Variants in SULT1C2 observed in about 807,000 individuals in gnomAD.
SULT1C2 encodes sulfotransferase family 1C member 2, also known as sulfotransferase 1C2.
In SULT1C2, 27 loss-of-function variants were observed where a neutral mutation model predicts 36.0. The observed-to-expected ratio is 0.75, with a 90% CI of 0.55 to 1.03. The LOEUF (loss-of-function observed/expected upper bound fraction) is 1.03. Ranked by LOEUF, SULT1C2 falls within the 50% of genes least tolerant of loss-of-function variation. The probability of loss-of-function intolerance (pLI) is 0.00; values close to 1 mark genes in which losing one functional copy is unlikely to be tolerated. For missense variants in SULT1C2, 395 were observed against 359.2 expected, an observed-to-expected ratio of 1.10 and a Z score of -0.80; for synonymous variants, 121 against 116.0, an observed-to-expected ratio of 1.04 and a Z score of -0.27.
At chr2:108,300,808 G>A (rs372624486) in intron 3 of SULT1C2, 30 bp from the exon 4 acceptor site, 300 of 1,613,960 alleles carry the variant, frequency 1.9e-4, no homozygotes, top group Middle Eastern at 4.9e-4. Flanking sequence ...CTTGTACTAC[G>A]CAGATGTTTC....
Position 108,304,623 on chromosome 2 carries a change from AT to A in SULT1C2, c.428del (p.Phe143SerfsTer4), listed in dbSNP as rs749847703. On this transcript the variant is annotated frameshift_variant, in exon 5 of 8. Transcript: ENST00000251481. LOFTEE classifies it high-confidence loss of function. ...AAAGACTGTATGGTTTCCTACTACC[AT>A]TTCCAAAGGATGAACCACATGCTTC... ...NAKDCMVSYY[H>X]FQRMNHMLPD... The A allele has an allele frequency of 4.3e-6, 7 of 1,613,644 alleles. No individual in the cohort carries two copies. The highest frequency in any genetic ancestry group is 1.3e-5 in the African/African-American group (1 of 74,906).
intron 1 of SULT1C2, among the ~76,000 whole-genome samples, chr2:108,291,139 C>G (rs1380603694): frequency 6.6e-6 from 1 of 152,142 alleles, no homozygotes; most frequent in African/African-American, 2.4e-5. Context: ...GGATGGAGGT[C>G]CCATTTGCTT....
intron 7 of SULT1C2, among the ~76,000 whole-genome samples, chr2:108,306,156 C>T (rs1677020138): frequency 6.6e-6 from 1 of 152,222 alleles, no homozygotes; most frequent in African/African-American, 2.4e-5. Flanking sequence ...TGCTCTACTT[C>T]ATGAGTTTCA....
chr2:108,305,418 C>G lies in SULT1C2; in HGVS notation c.601C>G (p.Pro201Ala). The stretch of plus-strand genomic sequence containing the variant: ...TCCAATGTTACCCTTGCCGCAGGAC[C>G]CAAAGCATGAAATTCGGAAGGTGAT... ...FLFYEDIKRDPKHEIRKVMQF... is the reference protein window; with the variant it reads ...FLFYEDIKRDAKHEIRKVMQF... The change falls in exon 7 of 8, where the codon CCA becomes GCA. Residue 201 changes from proline to alanine, a missense_variant. Transcript: ENST00000251481. 1 of 1,613,838 alleles carries G rather than the reference C, an allele frequency of 6.2e-7. No individual in the cohort carries two copies.
At chr2:108,299,672 C>T (rs2104418688) in intron 3 of SULT1C2, 1 of 152,304 alleles carries the variant, frequency 6.6e-6, no homozygotes, top group Non-Finnish European at 1.5e-5. Flanking sequence ...TACCAAAACA[C>T]TTTTTTATTT....
At chr2:108,296,167 T>G (rs1676720816) in intron 3 of SULT1C2, among the ~76,000 whole-genome samples, 1 of 152,106 alleles carries the variant, frequency 6.6e-6, no homozygotes, top group African/African-American at 2.4e-5. Flanking sequence ...ATTTGAGAGA[T>G]TAAAGAAAGA....
intron 7 of SULT1C2, 163 bp downstream of exon 7, chr2:108,305,758 G>T: frequency 1.1e-6 from 1 of 880,526 alleles, no homozygotes; most frequent in Non-Finnish European, 1.7e-6. Context: ...GTAGAAGAGA[G>T]CTTTCTAGGG....
rs1677002764 is a variant in SULT1C2, at chr2:108,305,546, A to G, written c.729A>G (p.Thr243=). The part of the protein sequence containing the change: ...MKENPMTNRS[T]VSKSILDQSI... ...AAAATCCCATGACAAATCGTTCTACAGTTTCCAAATCTATCTTGGACCAGT... is the reference window on the plus strand; with the variant it reads ...AAAATCCCATGACAAATCGTTCTACGGTTTCCAAATCTATCTTGGACCAGT... The change falls in exon 7 of 8, where the codon ACA becomes ACG. Residue 243 remains threonine, a synonymous_variant. Coordinates refer to ENST00000251481, the MANE Select transcript of SULT1C2 (RefSeq NM_001056.4). The G allele has an allele frequency of 1.2e-6, 2 of 1,614,218 alleles. No homozygotes were observed. Among genetic ancestry groups the G allele is most frequent in the East Asian group, 2.2e-5 (1 of 44,888 alleles).
intron 7 of SULT1C2, among the ~76,000 whole-genome samples, chr2:108,307,648 A>G (rs1377850972): frequency 1.3e-5 from 2 of 152,188 alleles, no homozygotes; most frequent in Middle Eastern, 3.2e-3. Context: ...TCCCCTGTTT[A>G]AAATTAGTTT....
At chr2:108,305,768 G>T (rs1677009368) in intron 7 of SULT1C2, 173 bp downstream of exon 7, 1 of 820,476 alleles carries the variant, frequency 1.2e-6, no homozygotes, top group African/African-American at 1.7e-5. Flanking sequence ...GCTTTCTAGG[G>T]TATTGTTCCA....
chr2:108,293,521 C>G (rs55965326), intron 1 of SULT1C2, 126 bp from the exon 2 acceptor site: 30,903 of 852,386 alleles, frequency 0.036, 655 homozygotes, highest in South Asian at 0.059. Context: ...ATAATGGTTG[C>G]ACAACAATGT....
At chr2:108,304,248 C>A (rs933066679) in intron 4 of SULT1C2, 1 of 193,844 alleles carries the variant, frequency 5.2e-6, no homozygotes, top group African/African-American at 2.3e-5. Flanking sequence ...TACGTTGATA[C>A]TGTGGAAGTC....
intron 4 of SULT1C2, chr2:108,301,757 G>A (rs1390901927): frequency 1.3e-5 from 2 of 152,248 alleles, no homozygotes; most frequent in Non-Finnish European, 2.9e-5. Context: ...CATTAGACAC[G>A]TCCTTGCTGA....
At chr2:108,298,750 G>C (rs1468294977) in intron 3 of SULT1C2, 2 of 245,458 alleles carry the variant, frequency 8.1e-6, no homozygotes, top group Non-Finnish European at 1.7e-5. Context: ...GGTCACTAGG[G>C]GTTTAGTTCT....
chr2:108,292,598 A>C (rs1210908147), intron 1 of SULT1C2, among the ~76,000 whole-genome samples: 2 of 152,206 alleles, frequency 1.3e-5, no homozygotes, highest in South Asian at 2.1e-4. Context: ...CAAAACCAAA[A>C]AAACAAACAA....
chr2:108,308,176 C>T (rs1354988623), intron 7 of SULT1C2, among the ~76,000 whole-genome samples, 176 bp from the exon 8 acceptor site: 1 of 152,132 alleles, frequency 6.6e-6, no homozygotes, highest in African/African-American at 2.4e-5. Context: ...GCACAGAGTC[C>T]CCTAGGCCTG....
intron 7 of SULT1C2, among the ~76,000 whole-genome samples, chr2:108,307,298 C>A (rs746602038): frequency 5.0e-4 from 76 of 152,192 alleles, no homozygotes; most frequent in Non-Finnish European, 9.0e-4. Context: ...CACACAGACA[C>A]AAAGATATGT....
In SULT1C2 at chr2:108,305,801, G is replaced by GAGTC; in HGVS notation, c.778+207_778+210dup. ...CCAGTATTTGGTTGCAAGGAACAGAGAGTCCCTCAAGCTAGCCCCAAAGAA... is the reference window on the plus strand; with the variant it reads ...CCAGTATTTGGTTGCAAGGAACAGAGAGTCAGTCCCTCAAGCTAGCCCCAAAGAA... On this transcript the variant is annotated intron_variant, in intron 7 of 7. Transcript: ENST00000251481. 4.7e-6 allele frequency: 3 copies of GAGTC among 634,660 alleles called. 1 individual carries two copies. The South Asian group carries it at 6.0e-5, about 13-fold the overall frequency. 39.3% of individuals were successfully genotyped at this position (634,660 alleles called of 1,614,324 possible).
chr2:108,290,214 T>C (rs1676555503), intron 1 of SULT1C2, among the ~76,000 whole-genome samples: 1 of 152,150 alleles, frequency 6.6e-6, no homozygotes, highest in African/African-American at 2.4e-5. Flanking sequence ...CCCCACCCTA[T>C]GGAGGACCTT....
Sources: gnomAD v4.1 joint callset for allele counts (sites outside exome capture counted in the v4.1 genomes callset) on GRCh38, gnomAD v4.1.1 for gene constraint, MANE v1.5 for transcripts, NCBI Gene and HGNC (gene_info 2026-07-23, HGNC 2026-07-21) for gene names.